BMP6: variants seen among roughly 807,000 people sequenced by gnomAD.
The protein encoded by BMP6 is bone morphogenetic protein 6.
A neutral mutation model predicts 54.1 loss-of-function variants in BMP6; 17 were observed. The ratio of observed to expected loss-of-function variants is 0.31; its 90% confidence interval spans 0.22 to 0.47. BMP6 has a LOEUF of 0.47. BMP6 is among the 20% of genes least tolerant of loss of function. The pLI, the probability that BMP6 is intolerant of heterozygous loss-of-function variation, is 1.00. For missense variants in BMP6, 720 were observed against 690.4 expected (o/e 1.04, Z -0.48); for synonymous variants, 328 against 291.2 (o/e 1.13, Z -1.28).
At chr6:7,846,250 C>T (rs564995198) in intron 2 of BMP6, among the ~76,000 whole-genome samples, 8 of 152,242 alleles carry the variant, frequency 5.3e-5, no homozygotes, top group African/African-American at 1.9e-4. Flanking sequence ...TTCCAGACTC[C>T]GTAAGGGATT....
intron 1 of BMP6, among the ~76,000 whole-genome samples, chr6:7,803,971 A>T (rs11967986): frequency 1.3e-5 from 2 of 152,086 alleles, no homozygotes; most frequent in African/African-American, 2.4e-5. Context: ...TGAGCATAGG[A>T]GCACATGGTC....
intron 1 of BMP6, among the ~76,000 whole-genome samples, chr6:7,728,225 G>A (rs1312214963): frequency 6.6e-6 from 1 of 152,228 alleles, no homozygotes; most frequent in Non-Finnish European, 1.5e-5. Context: ...TCCCGGCCGG[G>A]CGGGGCTCGC....
At position 7,881,483 on chromosome 6, in the gene BMP6, C is replaced by CTGTT. The variant is rs1283633294; in HGVS notation, c.*1142_*1145dup. 1 of 152,266 alleles carries CTGTT rather than the reference C, an allele frequency of 6.6e-6. No individual in the cohort carries two copies. The highest frequency in any genetic ancestry group is 1.9e-4 in the East Asian group (1 of 5,184). 9.4% of individuals were successfully genotyped at this position (152,266 alleles called of 1,614,324 possible). A position where few individuals can be genotyped will look rare whatever the true frequency, so the allele number is the denominator to read the frequency against. ...CTATAATTTATTGTCTATTTTATAT[C>CTGTT]TGTTTTGCTGTAACATTGAAGGAAA... is the stretch of plus-strand genomic sequence containing the variant. On this transcript the variant is annotated 3_prime_UTR_variant, in exon 7 of 7. Coordinates refer to ENST00000283147, the MANE Select transcript of BMP6 (RefSeq NM_001718.6).
chr6:7,756,298 TA>T (rs1390209459), intron 1 of BMP6, among the ~76,000 whole-genome samples: 1 of 152,214 alleles, frequency 6.6e-6, no homozygotes, highest in East Asian at 1.9e-4. Flanking sequence ...AAACTGCTGT[TA>T]ATACCATCTA....
chr6:7,842,087 CCT>C (rs2113250646), intron 1 of BMP6, among the ~76,000 whole-genome samples: 1 of 152,268 alleles, frequency 6.6e-6, no homozygotes, highest in East Asian at 1.9e-4. Flanking sequence ...TCTCCTCCCT[CCT>C]CTTTTCCTCC....
At chr6:7,821,645 A>G (rs79845371) in intron 1 of BMP6, among the ~76,000 whole-genome samples, 2 of 148,072 alleles carry the variant, frequency 1.4e-5, no homozygotes, top group Non-Finnish European at 3.0e-5. Context: ...GACCTTGAGT[A>G]AGTTACTTTC....
At chr6:7,770,356 G>T (rs1757764110) in intron 1 of BMP6, among the ~76,000 whole-genome samples, 1 of 151,710 alleles carries the variant, frequency 6.6e-6, no homozygotes, top group Non-Finnish European at 1.5e-5. Context: ...TCAAATAATA[G>T]TGAAAGAAAA....
chr6:7,832,546 C>T (rs913190963), intron 1 of BMP6, among the ~76,000 whole-genome samples: 1 of 152,044 alleles, frequency 6.6e-6, no homozygotes, highest in Non-Finnish European at 1.5e-5. Flanking sequence ...TTTGTTACAG[C>T]AGCCCAAATG....
chr6:7,879,189 A>C, intron 5 of BMP6, 39 bp downstream of exon 5: 116 of 1,567,758 alleles, frequency 7.4e-5, no homozygotes, highest in Non-Finnish European at 9.2e-5. Flanking sequence ...GTCCTTTCTC[A>C]GCAGTTTACT....
At chr6:7,745,806 G>A (rs975279289) in intron 1 of BMP6, among the ~76,000 whole-genome samples, 1 of 151,074 alleles carries the variant, frequency 6.6e-6, no homozygotes, top group Admixed American at 6.6e-5. Flanking sequence ...TATGATAGAG[G>A]TGAAAAAAAA....
chr6:7,792,949 T>A (rs911750), intron 1 of BMP6, among the ~76,000 whole-genome samples: 88,439 of 152,048 alleles, frequency 0.58, 26,122 homozygotes, highest in African/African-American at 0.65. Flanking sequence ...TAGTTACGTG[T>A]TTTTTTCATT....
chr6:7,768,741 G>T lies in BMP6; in HGVS notation c.664+41122G>T, dbSNP rs1231196038. Among the ~76,000 whole-genome samples, 5 of 152,156 alleles carry T rather than the reference G, an allele frequency of 3.3e-5. No individual in the cohort carries two copies. In the East Asian group the frequency reaches 9.6e-4, roughly 29 times the overall value. On this transcript the variant is annotated intron_variant, in intron 1 of 6. Coordinates refer to ENST00000283147, the MANE Select transcript of BMP6 (RefSeq NM_001718.6). The stretch of plus-strand genomic sequence containing the variant: ...CAAGGTGTTCCTCTTTATTTCAACA[G>T]CTTTCTAAGAGTGCCGATTTAATCA...
At position 7,862,350 on chromosome 6, in the gene BMP6, T is replaced by G; in HGVS notation, c.1056T>G (p.Pro352=). 6.2e-7 allele frequency: 1 copy of G among 1,614,166 alleles called. No homozygotes were observed. Among genetic ancestry groups the G allele is most frequent in the Non-Finnish European group, 8.5e-7 (1 of 1,180,016 alleles). ...RAAGLVGRDG[P]YDKQPFMVAF... ...CAGGCCTGGTGGGCAGAGACGGCCC[T>G]TACGACAAGCAGCCCTTCATGGTGG... Residue 352 remains proline, a synonymous_variant, in exon 4 of 7, where the codon CCT becomes CCG. Transcript: ENST00000283147.
intron 2 of BMP6, among the ~76,000 whole-genome samples, chr6:7,857,955 C>G (rs1759273649): frequency 6.6e-6 from 1 of 152,116 alleles, no homozygotes; most frequent in African/African-American, 2.4e-5. Flanking sequence ...AGGAGCAGAG[C>G]AAGATTGGGA....
intron 1 of BMP6, among the ~76,000 whole-genome samples, chr6:7,840,554 A>G (rs917633807): frequency 7.2e-5 from 11 of 152,148 alleles, no homozygotes; most frequent in Non-Finnish European, 1.3e-4. Flanking sequence ...CAGGTGAGAA[A>G]TTTCCACTGG....
At chr6:7,766,117 T>G (rs148035325) in intron 1 of BMP6, among the ~76,000 whole-genome samples, 1 of 152,230 alleles carries the variant, frequency 6.6e-6, no homozygotes, top group Non-Finnish European at 1.5e-5. Context: ...CACAATAAAC[T>G]TAATGTCTTC....
intron 1 of BMP6, among the ~76,000 whole-genome samples, chr6:7,840,041 G>T (rs1758942732): frequency 6.6e-6 from 1 of 152,156 alleles, no homozygotes; most frequent in Non-Finnish European, 1.5e-5. Context: ...GGTCACCATT[G>T]CCTGCACAGC....
chr6:7,767,114 G>A (rs1001665852), intron 1 of BMP6, among the ~76,000 whole-genome samples: 8 of 151,648 alleles, frequency 5.3e-5, no homozygotes, highest in Non-Finnish European at 1.2e-4. Context: ...AGCTCTCCGA[G>A]TAGCTGGGAC....
intron 1 of BMP6, among the ~76,000 whole-genome samples, chr6:7,770,693 A>G (rs796329957): frequency 6.6e-6 from 1 of 152,204 alleles, no homozygotes; most frequent in Non-Finnish European, 1.5e-5. Flanking sequence ...GCTCGTAAGG[A>G]TTCCTGAGCT....
Sources: allele counts gnomAD v4.1 joint callset (sites outside exome capture counted in the v4.1 genomes callset), GRCh38; gene constraint gnomAD v4.1.1; transcripts MANE v1.5; gene names NCBI Gene and HGNC (gene_info 2026-07-23, HGNC 2026-07-21).